SYT2: variants seen among roughly 807,000 people sequenced by gnomAD.
The protein encoded by SYT2 is synaptotagmin-2.
In SYT2, 15 loss-of-function variants were observed where a neutral mutation model predicts 39.9. The ratio of observed to expected loss-of-function variants is 0.38; its 90% CI spans 0.25 to 0.58. SYT2 has a LOEUF of 0.58. Ranked by LOEUF, SYT2 falls within the 20% of genes least tolerant of loss-of-function variation. SYT2 has a pLI of 0.70. For synonymous variants in SYT2, 181 were observed against 204.5 expected, an observed-to-expected ratio of 0.89 and a Z score of 0.98; for missense variants, 389 against 530.3, an observed-to-expected ratio of 0.73 and a Z score of 2.62.
At chr1:202,639,160 C>T (rs1039669648) in intron 1 of SYT2, among the ~76,000 whole-genome samples, 4 of 152,238 alleles carry the variant, frequency 2.6e-5, no homozygotes, top group South Asian at 2.1e-4. Context: ...TGTCTGATAC[C>T]GGGTCACCTT....
At chr1:202,684,207 C>T (rs1361792787) in intron 1 of SYT2, among the ~76,000 whole-genome samples, 2 of 152,146 alleles carry the variant, frequency 1.3e-5, no homozygotes, top group South Asian at 2.1e-4. Flanking sequence ...GCACATGATT[C>T]GGTATGATTA....
chr1:202,645,210 C>T (rs1338760821), intron 1 of SYT2, among the ~76,000 whole-genome samples: 3 of 149,080 alleles, frequency 2.0e-5, no homozygotes, highest in Admixed American at 2.0e-4. Flanking sequence ...CCAGGGGTTT[C>T]CCCCCACTCT....
chr1:202,704,686 G>A (rs1228640115), intron 1 of SYT2, among the ~76,000 whole-genome samples: 1 of 82,540 alleles, frequency 1.2e-5, no homozygotes, highest in Non-Finnish European at 3.0e-5. Context: ...ACACACACAC[G>A]GCTGCTGGGC....
intron 1 of SYT2, among the ~76,000 whole-genome samples, chr1:202,688,117 C>G (rs1445718739): frequency 6.6e-6 from 1 of 152,160 alleles, no homozygotes; most frequent in African/African-American, 2.4e-5. Context: ...CACTGACACC[C>G]CCCCATACCC....
chr1:202,671,180 TC>T (rs1339141113), intron 1 of SYT2, among the ~76,000 whole-genome samples: 1 of 152,148 alleles, frequency 6.6e-6, no homozygotes, highest in African/African-American at 2.4e-5. Context: ...TGATCAGCCT[TC>T]CCCACCTTTG....
At chr1:202,626,673 GC>G (rs1407319438) in intron 1 of SYT2, among the ~76,000 whole-genome samples, 4 of 152,068 alleles carry the variant, frequency 2.6e-5, no homozygotes, top group African/African-American at 9.7e-5. Flanking sequence ...AGCCTAGATA[GC>G]CTCTCAGCTT....
At chr1:202,667,996 C>T (rs1361495368) in intron 1 of SYT2, among the ~76,000 whole-genome samples, 1 of 152,242 alleles carries the variant, frequency 6.6e-6, no homozygotes, top group Non-Finnish European at 1.5e-5. Context: ...CAGGCGTGAG[C>T]CATCGCGCCC....
chr1:202,671,687 C>T (rs148367147), intron 1 of SYT2, among the ~76,000 whole-genome samples: 236 of 152,346 alleles, frequency 1.5e-3, no homozygotes, highest in Non-Finnish European at 2.2e-3. Context: ...CTTTGATAAA[C>T]TACCTATTGC....
At position 202,600,886 on chromosome 1, in the gene SYT2, A is replaced by G. The variant is rs1466497148; in HGVS notation, c.802-412T>C. 3.9e-5 allele frequency among the ~76,000 whole-genome samples: 6 copies of G among 152,266 alleles called. No individual in the cohort carries two copies. In the East Asian group the frequency reaches 1.2e-3, roughly 29 times the overall value. On this transcript the variant is annotated intron_variant, in intron 6 of 8. Transcript: ENST00000367268. ...GTGGGTTAGCCACGTGTCCACCACC[A>G]AGGGCCCTGGGGGACTGAATGTCTC... is the stretch of plus-strand genomic sequence containing the variant.
chr1:202,649,074 T>C (rs867316), intron 1 of SYT2, among the ~76,000 whole-genome samples: 68,032 of 152,238 alleles, frequency 0.45, 16,901 homozygotes, highest in East Asian at 0.8. Context: ...TGAAAGAAGC[T>C]GCTGAGCAGC....
At chr1:202,680,563 C>G (rs1310343061) in intron 1 of SYT2, among the ~76,000 whole-genome samples, 1 of 152,164 alleles carries the variant, frequency 6.6e-6, no homozygotes, top group Non-Finnish European at 1.5e-5. Context: ...AACATTATCA[C>G]TGTTATAACC....
chr1:202,682,533 T>A (rs1572676856), intron 1 of SYT2, among the ~76,000 whole-genome samples: 1 of 151,950 alleles, frequency 6.6e-6, no homozygotes, highest in South Asian at 2.1e-4. Flanking sequence ...ATCTGAACCT[T>A]AAAGGGGGTG....
chr1:202,677,875 C>T (rs1251961612), intron 1 of SYT2, among the ~76,000 whole-genome samples: 2 of 152,150 alleles, frequency 1.3e-5, no homozygotes, highest in Non-Finnish European at 2.9e-5. Flanking sequence ...TACATACATA[C>T]CTACATTTTT....
intron 1 of SYT2, among the ~76,000 whole-genome samples, chr1:202,652,788 GCTAA>G (rs1282722856): frequency 6.6e-6 from 1 of 152,204 alleles, no homozygotes; most frequent in Non-Finnish European, 1.5e-5. Flanking sequence ...TCTGCCTTGT[GCTAA>G]CTGTGTGACT....
chr1:202,656,200 C>T (rs1692274945), intron 1 of SYT2, among the ~76,000 whole-genome samples: 2 of 152,172 alleles, frequency 1.3e-5, no homozygotes, highest in Admixed American at 6.5e-5. Context: ...TCACATGCTC[C>T]AATCAGAACA....
chr1:202,633,559 C>T (rs1332440147), intron 1 of SYT2, among the ~76,000 whole-genome samples: 1 of 152,130 alleles, frequency 6.6e-6, no homozygotes, highest in East Asian at 1.9e-4. Flanking sequence ...CTGAGCACAG[C>T]AGTGACCTGA....
At chr1:202,633,350 CAAGAG>C (rs896547820) in intron 1 of SYT2, among the ~76,000 whole-genome samples, 2 of 152,132 alleles carry the variant, frequency 1.3e-5, no homozygotes, top group Non-Finnish European at 2.9e-5. Flanking sequence ...GAGCAGGACT[CAAGAG>C]AAGGAGAGCC....
At chr1:202,668,086 GAGA>G (rs1400090138) in intron 1 of SYT2, among the ~76,000 whole-genome samples, 2 of 152,206 alleles carry the variant, frequency 1.3e-5, no homozygotes, top group African/African-American at 2.4e-5. Context: ...CAAATAAATG[GAGA>G]AGGACATTTT....
intron 1 of SYT2, among the ~76,000 whole-genome samples, chr1:202,633,518 G>T (rs1208116081): frequency 6.6e-6 from 1 of 152,136 alleles, no homozygotes; most frequent in Non-Finnish European, 1.5e-5. Flanking sequence ...CCCCTACCTG[G>T]CCTTTAACAC....
Sources: allele counts gnomAD v4.1 joint callset (sites outside exome capture counted in the v4.1 genomes callset), GRCh38; gene constraint gnomAD v4.1.1; transcripts MANE v1.5; gene names NCBI Gene and HGNC (gene_info 2026-07-23, HGNC 2026-07-21).